The following RYR2 variants were observed in gnomAD, a reference collection of about 807,000 sequenced individuals.
The protein encoded by RYR2 is cardiac muscle ryanodine receptor-calcium release channel.
RYR2 carries 227 observed loss-of-function variants against 601.1 expected under a neutral mutation model. That is an observed-to-expected ratio of 0.38 (90% CI 0.34 to 0.42). RYR2 has a LOEUF of 0.42. Ranked by LOEUF, RYR2 falls within the 10% of genes least tolerant of loss-of-function variation. The pLI is 1.00. For synonymous variants in RYR2, 2,223 were observed against 2,175.1 expected (o/e 1.02, Z -0.61); for missense variants, 4,646 against 6,156.5 (o/e 0.75, Z 8.21).
At position 237,496,646 on chromosome 1, in the gene RYR2, C is replaced by T. The variant is rs2150448554; in HGVS notation, c.2097C>T (p.Ser699=). The change falls in exon 20 of 105, where the codon TCC becomes TCT. Residue 699 remains serine (S), a synonymous_variant. Coordinates refer to ENST00000366574, the MANE Select transcript of RYR2 (RefSeq NM_001035.3). ...CTCACCTGCGAGTGGGCTGGGCTTCCACTGAAGGATATTCTCCCTACCCTG... is the reference window on the plus strand; with the variant it reads ...CTCACCTGCGAGTGGGCTGGGCTTCTACTGAAGGATATTCTCCCTACCCTG... The part of the protein sequence containing the change: ...EATHLRVGWA[S]TEGYSPYPGG... 1.2e-6 allele frequency: 2 copies of T among 1,613,948 alleles called. No homozygotes were observed. Among genetic ancestry groups the T allele is most frequent in the Non-Finnish European group, 1.7e-6 (2 of 1,179,884 alleles).
intron 1 of RYR2, among the ~76,000 whole-genome samples, chr1:237,145,200 C>G (rs142035658): frequency 0.027 from 4,036 of 151,676 alleles, 172 homozygotes; most frequent in African/African-American, 0.092. Context: ...GCACATGTAC[C>G]CCAGAACTTA....
In RYR2 at chr1:237,190,222, A is replaced by G. The variant is rs1329521452; in HGVS notation, c.49-80275A>G. On this transcript the variant is annotated intron_variant, in intron 1 of 104. Coordinates refer to ENST00000366574, the MANE Select transcript of RYR2 (RefSeq NM_001035.3). ...TTCTATAATGGCTGCACCATTTTAC[A>G]TTTCCACCAACAGTGCGTAGTGTTC... is the stretch of plus-strand genomic sequence containing the variant. Among the ~76,000 whole-genome samples the G allele has an allele frequency of 2.6e-5, 4 of 152,084 alleles. No individual in the cohort carries two copies. In the East Asian group the frequency reaches 7.7e-4, roughly 29 times the overall value.
intron 79 of RYR2, among the ~76,000 whole-genome samples, chr1:237,739,754 G>T (rs951132522): frequency 2.0e-5 from 3 of 152,110 alleles, no homozygotes; most frequent in African/African-American, 4.8e-5. Flanking sequence ...AAAGTTTCTG[G>T]GTTTTGATTC....
At chr1:237,646,537 A>AATAACATTATT (rs1318993578) in intron 48 of RYR2, among the ~76,000 whole-genome samples, 16 of 152,278 alleles carry the variant, frequency 1.1e-4, no homozygotes, top group Admixed American at 7.2e-4. Context: ...TAGCAGTAAT[A>AATAACATTATT]ATGGTTATTA....
intron 1 of RYR2, among the ~76,000 whole-genome samples, chr1:237,243,381 G>C (rs1454495760): frequency 6.9e-6 from 1 of 144,242 alleles, no homozygotes; most frequent in East Asian, 2.0e-4. Context: ...TGCTGGATCA[G>C]CTCACGGAAC....
intron 1 of RYR2, among the ~76,000 whole-genome samples, chr1:237,217,523 T>C (rs1398467822): frequency 6.6e-6 from 1 of 152,166 alleles, no homozygotes; most frequent in African/African-American, 2.4e-5. Context: ...AGACTTCTTT[T>C]CTGTGCCTTC....
At chr1:237,254,359 T>C (rs1687749734) in intron 1 of RYR2, among the ~76,000 whole-genome samples, 1 of 152,252 alleles carries the variant, frequency 6.6e-6, no homozygotes, top group African/African-American at 2.4e-5. Flanking sequence ...TAGAGAGATT[T>C]AGGTCTTGAA....
intron 1 of RYR2, among the ~76,000 whole-genome samples, chr1:237,157,564 A>G (rs1302775802): frequency 6.6e-6 from 1 of 152,218 alleles, no homozygotes; most frequent in Non-Finnish European, 1.5e-5. Context: ...GTAAAAAAGA[A>G]TGAAATGCTT....
At chr1:237,793,023 C>CT (rs1658652760) in intron 94 of RYR2, among the ~76,000 whole-genome samples, 1 of 152,192 alleles carries the variant, frequency 6.6e-6, no homozygotes, top group African/African-American at 2.4e-5. Flanking sequence ...GATAATCTCT[C>CT]TGAGTGCTCA....
intron 83 of RYR2, 25 bp from the exon 84 acceptor site, chr1:237,760,930 G>A: frequency 7.0e-7 from 1 of 1,427,538 alleles, no homozygotes; most frequent in East Asian, 2.5e-5. Context: ...TCCTCTAAAT[G>A]TTTTTTTTTC....
chr1:237,563,001 A>G (rs1671606896), intron 27 of RYR2, among the ~76,000 whole-genome samples: 1 of 152,202 alleles, frequency 6.6e-6, no homozygotes, highest in African/African-American at 2.4e-5. Flanking sequence ...CTTTTTAAAA[A>G]ACTCCTACAA....
chr1:237,752,734 A>G (rs1409000329), intron 80 of RYR2, among the ~76,000 whole-genome samples: 2 of 152,134 alleles, frequency 1.3e-5, no homozygotes, highest in Admixed American at 1.3e-4. Context: ...TTGTTATCCA[A>G]TTAAATCTTC....
intron 73 of RYR2, among the ~76,000 whole-genome samples, chr1:237,721,342 ATCTG>A (rs1689702514): frequency 6.6e-6 from 1 of 152,182 alleles, no homozygotes; most frequent in Non-Finnish European, 1.5e-5. Flanking sequence ...ACAAAGCTCT[ATCTG>A]TCTGTGTTTG....
intron 66 of RYR2, among the ~76,000 whole-genome samples, chr1:237,704,816 A>G (rs575137072): frequency 6.6e-6 from 1 of 152,130 alleles, no homozygotes; most frequent in Admixed American, 6.5e-5. Flanking sequence ...ACTTTTTCTA[A>G]AATATCTACA....
chr1:237,805,412 C>T (rs1440425280), intron 98 of RYR2, among the ~76,000 whole-genome samples: 2 of 151,854 alleles, frequency 1.3e-5, no homozygotes, highest in African/African-American at 4.8e-5. Context: ...AACCCCGTCT[C>T]TACTAAAAAT....
At position 237,642,866 on chromosome 1, in the gene RYR2, A is replaced by G. The variant is rs567761493; in HGVS notation, c.7222-461A>G. On this transcript the variant is annotated intron_variant, in intron 47 of 104. Coordinates refer to ENST00000366574, the MANE Select transcript of RYR2 (RefSeq NM_001035.3). ...AGAAATCAGGGTCGAAGACAGATGGATATGCAATTCATTTCTTAGCACAAA... is the reference window on the plus strand; with the variant it reads ...AGAAATCAGGGTCGAAGACAGATGGGTATGCAATTCATTTCTTAGCACAAA... Among the ~76,000 whole-genome samples, 19 of 152,334 alleles carry G rather than the reference A, an allele frequency of 1.2e-4. No homozygotes were observed. The South Asian group carries it at 3.7e-3, about 30-fold the overall frequency.
At chr1:237,765,401 A>G (rs1693771327) in intron 84 of RYR2, among the ~76,000 whole-genome samples, 1 of 152,142 alleles carries the variant, frequency 6.6e-6, no homozygotes, top group African/African-American at 2.4e-5. Flanking sequence ...TCTTAAAAAT[A>G]GTTTGATTTT....
At chr1:237,745,638 T>G (rs534566426) in intron 80 of RYR2, among the ~76,000 whole-genome samples, 1 of 152,290 alleles carries the variant, frequency 6.6e-6, no homozygotes, top group African/African-American at 2.4e-5. Flanking sequence ...TGATGGCATC[T>G]TAATATTTAG....
At chr1:237,410,124 G>A (rs574954946) in intron 10 of RYR2, among the ~76,000 whole-genome samples, 8 of 152,260 alleles carry the variant, frequency 5.3e-5, no homozygotes, top group African/African-American at 1.2e-4. Context: ...CAAAGTGTCC[G>A]TGATACTGTA....
Sources: gnomAD v4.1 joint callset for allele counts (sites outside exome capture counted in the v4.1 genomes callset) on GRCh38, gnomAD v4.1.1 for gene constraint, MANE v1.5 for transcripts, NCBI Gene and HGNC (gene_info 2026-07-23, HGNC 2026-07-21) for gene names.